COPB1: variants seen among roughly 807,000 people sequenced by gnomAD.
The protein encoded by COPB1 is coatomer subunit beta.
Under a neutral mutation model 108.7 loss-of-function variants are expected in COPB1, and 21 were observed. The observed-to-expected ratio is 0.19, with a 90% confidence interval of 0.14 to 0.28. The LOEUF is 0.28. COPB1 is among the 10% of genes least tolerant of loss of function. The pLI, the probability that COPB1 is intolerant of heterozygous loss-of-function variation, is 1.00. For missense variants in COPB1, 919 were observed against 1,141.3 expected (o/e 0.81, Z 2.81); for synonymous variants, 378 against 386.8 (o/e 0.98, Z 0.27).
Position 14,468,753 on chromosome 11 carries a change from C to T in COPB1, c.2073G>A (p.Leu691=), listed in dbSNP as rs760101381. The change falls in exon 16 of 22, where the codon CTG becomes CTA. Residue 691 remains leucine (L), a synonymous_variant. Transcript: ENST00000439561. ...TGTTACCCATTGCTGCCAGTAAACT[C>T]AGCTGAAACTGATCTTCCTTGCAGT... is the stretch of plus-strand genomic sequence containing the variant. ...EMNCKEDQFQ[L]SLLAAMGNTQ... is the part of the protein sequence containing the mutation. 1 of 1,614,038 alleles carries T rather than the reference C, an allele frequency of 6.2e-7. No individual in the cohort carries two copies. The highest frequency in any genetic ancestry group is 1.3e-5 in the African/African-American group (1 of 74,914).
At chr11:14,460,164 T>A (rs748752586) in intron 20 of COPB1, 44 bp downstream of exon 20, 2 of 1,266,102 alleles carry the variant, frequency 1.6e-6, no homozygotes, top group Non-Finnish European at 2.3e-6. Flanking sequence ...AGGAACCTAC[T>A]CTACCATTCC....
rs1850479297 is a variant in COPB1 at position 14,474,660 on chromosome 11, A to T, written c.1617-45T>A. ...AATCAAACCCACCAACTTGCTAAGC[A>T]GCATGCAGCTTCTGTATAAATGAAT... On this transcript the variant is annotated intron_variant, in intron 13 of 21. Transcript: ENST00000439561. 3.7e-6 allele frequency: 6 copies of T among 1,607,616 alleles called. No individual in the cohort carries two copies. The African/African-American group carries it at 8.0e-5, about 22-fold the overall frequency.
chr11:14,495,239 G>C (rs549795112), intron 2 of COPB1, among the ~76,000 whole-genome samples: 18 of 152,276 alleles, frequency 1.2e-4, no homozygotes, highest in Admixed American at 8.5e-4. Context: ...CTCAAAGGCA[G>C]AGAAGTATGT....
In COPB1 at chr11:14,474,519, C is replaced by T. The variant is rs747965899; in HGVS notation, c.1713G>A (p.Leu571=). 2 of 1,612,074 alleles carry T rather than the reference C, an allele frequency of 1.2e-6. No homozygotes were observed. The highest frequency in any genetic ancestry group is 1.7e-6 in the Non-Finnish European group (2 of 1,179,070). ...LTKIALRYVA[L]VQEKKKQNSF... is the part of the protein sequence containing the mutation. ...CATTTTGCTTTTTCTTCTCCTGAAC[C>T]AAAGCTACATAGCGCAATGCAATCT... Residue 571 remains leucine (L), a synonymous_variant, in exon 14 of 22, where the codon TTG becomes TTA. Coordinates refer to ENST00000439561, the MANE Select transcript of COPB1 (RefSeq NM_001144061.2).
chr11:14,472,554 T>TTTGAAGCC (rs1231833432), intron 14 of COPB1, among the ~76,000 whole-genome samples: 1 of 152,226 alleles, frequency 6.6e-6, no homozygotes, highest in Non-Finnish European at 1.5e-5. Context: ...CCTTTGAAGC[T>TTTGAAGCC]TTGAAGCCAG....
intron 15 of COPB1, 41 bp from the exon 16 acceptor site, chr11:14,468,901 A>G: frequency 6.4e-7 from 1 of 1,558,244 alleles, no homozygotes; most frequent in African/African-American, 1.4e-5. Flanking sequence ...TAATATGAAA[A>G]GATAGTTTTT....
rs368016084 is a variant in COPB1, at chr11:14,486,738, T to C, written c.700-234A>G. Among the ~76,000 whole-genome samples, 157 of 152,242 alleles carry C rather than the reference T, an allele frequency of 1.0e-3. 1 individual carries two copies. The highest frequency in any genetic ancestry group is 3.7e-3 in the African/African-American group (153 of 41,554). On this transcript the variant is annotated intron_variant, in intron 6 of 21. Coordinates refer to ENST00000439561, the MANE Select transcript of COPB1 (RefSeq NM_001144061.2). ...AACAAAAACATAGATAAGAAATGGC[T>C]TTACTAGATAGGATGGTGTGAACAA...
rs145949415 is a variant in COPB1, at chr11:14,484,309, G to A, written c.838-1158C>T. ...GTCAGTGGGAAAACTGATGAAATAT[G>A]AATAAAGCCTGTAGTTTGGTTAATA... On this transcript the variant is annotated intron_variant, in intron 7 of 21. Coordinates refer to ENST00000439561, the MANE Select transcript of COPB1 (RefSeq NM_001144061.2). Among the ~76,000 whole-genome samples, 700 of 152,258 alleles carry A rather than the reference G, an allele frequency of 4.6e-3. 4 individuals are homozygous for A. The highest frequency in any genetic ancestry group is 0.016 in the African/African-American group (672 of 41,534).
Position 14,494,375 on chromosome 11 carries a change from A to C in COPB1, c.156T>G (p.Gly52=). ...TCATCAGAAGTCCAGGAAGTTTTTC[A>C]CCATTCAGAATCATAATGATTACTT... ...LKKVIIMILN[G]EKLPGLLMTI... is the part of the protein sequence containing the mutation. The change falls in exon 3 of 22, where the codon GGT becomes GGG. Residue 52 remains glycine (G), a synonymous_variant. Coordinates refer to ENST00000439561, the MANE Select transcript of COPB1 (RefSeq NM_001144061.2). 1 of 1,613,556 alleles carries C rather than the reference A, an allele frequency of 6.2e-7. No homozygotes were observed. Among genetic ancestry groups the C allele is most frequent in the Non-Finnish European group, 8.5e-7 (1 of 1,179,628 alleles).
At chr11:14,474,410 T>C in intron 14 of COPB1, 85 bp downstream of exon 14, 1 of 1,242,090 alleles carries the variant, frequency 8.1e-7, no homozygotes, top group East Asian at 2.4e-5. Context: ...AACTTAGCAT[T>C]AATTTTTGAG....
rs753779819 is a variant in COPB1, at chr11:14,475,952, G to A, written c.1456-7C>T. Reference sequence around the variant, plus strand: ...CTGACTCTACAATTGGGATCTAAAAGTCAATTGGAAACATCATTTTAGTAA... The same window carrying A: ...CTGACTCTACAATTGGGATCTAAAAATCAATTGGAAACATCATTTTAGTAA... On this transcript the variant is annotated splice_polypyrimidine_tract_variant and splice_region_variant and intron_variant, in intron 12 of 21. Transcript: ENST00000439561. 1.3e-6 allele frequency: 2 copies of A among 1,581,854 alleles called. No individual in the cohort carries two copies. Among genetic ancestry groups the A allele is most frequent in the East Asian group, 4.5e-5 (2 of 44,330 alleles).
At chr11:14,477,740 C>CA (rs1850559433) in intron 11 of COPB1, among the ~76,000 whole-genome samples, 1 of 151,470 alleles carries the variant, frequency 6.6e-6, no homozygotes, top group African/African-American at 2.4e-5. Flanking sequence ...ACTGAAAATA[C>CA]AAAAAAAATT....
chr11:14,475,734 G>A (rs1244158369), intron 13 of COPB1, 51 bp downstream of exon 13: 2 of 1,430,646 alleles, frequency 1.4e-6, no homozygotes, highest in African/African-American at 1.5e-5. Flanking sequence ...TTACATACAA[G>A]AGTAATAATA....
chr11:14,458,784 G>A, intron 20 of COPB1, 97 bp from the exon 21 acceptor site: 1 of 1,015,838 alleles, frequency 9.8e-7, no homozygotes, highest in Non-Finnish European at 1.4e-6. Flanking sequence ...TTTTTTTTGA[G>A]ACAGAGTCTC....
At chr11:14,459,468 TC>T (rs1850096927) in intron 20 of COPB1, among the ~76,000 whole-genome samples, 3 of 150,652 alleles carry the variant, frequency 2.0e-5, no homozygotes, top group Admixed American at 1.3e-4. Flanking sequence ...CATTTTTCTT[TC>T]TCTCTCGTTT....
chr11:14,499,019 T>C, intron 1 of COPB1, 34 bp from the exon 2 acceptor site: 1 of 1,002,330 alleles, frequency 1.0e-6, no homozygotes, highest in Non-Finnish European at 1.4e-6. Context: ...TCATTACAAA[T>C]TAAAAAAAAA....
intron 13 of COPB1, 149 bp from the exon 14 acceptor site, chr11:14,474,764 G>A (rs1235633264): frequency 1.7e-6 from 2 of 1,200,520 alleles, no homozygotes; most frequent in Non-Finnish European, 2.2e-6. Flanking sequence ...TTAGCTCCCA[G>A]AAGAAAGAAG....
chr11:14,492,409 T>C (rs1052976578), intron 4 of COPB1, among the ~76,000 whole-genome samples: 1 of 152,138 alleles, frequency 6.6e-6, no homozygotes, highest in Non-Finnish European at 1.5e-5. Flanking sequence ...AATAGCGCGA[T>C]CTCGGTTCAT....
At chr11:14,491,669 CA>C (rs10550863) in intron 4 of COPB1, among the ~76,000 whole-genome samples, 42,087 of 137,608 alleles carry the variant, frequency 0.31, 5,919 homozygotes, top group Middle Eastern at 0.36. Context: ...AACTCTGTCT[CA>C]AAAAAAAAAA....
Sources: allele counts gnomAD v4.1 joint callset (sites outside exome capture counted in the v4.1 genomes callset), GRCh38; gene constraint gnomAD v4.1.1; transcripts MANE v1.5; gene names NCBI Gene and HGNC (gene_info 2026-07-23, HGNC 2026-07-21).